NARS2: variants seen among roughly 807,000 people sequenced by gnomAD.
The protein encoded by NARS2 is asparaginyl-tRNA synthetase.
NARS2 carries 60 observed loss-of-function variants against 62.9 expected under a neutral mutation model. The observed-to-expected ratio is 0.95, with a 90% CI of 0.77 to 1.18. The LOEUF is 1.18. Ranked by LOEUF, NARS2 falls within the 50% of genes most tolerant of loss-of-function variation. NARS2 has a pLI of 0.00. For missense variants in NARS2, 619 were observed against 576.4 expected, an observed-to-expected ratio of 1.07 and a Z score of -0.76; for synonymous variants, 196 against 200.0, an observed-to-expected ratio of 0.98 and a Z score of 0.17.
At chr11:78,469,224 T>A in intron 10 of NARS2, 23 bp downstream of exon 10, 1 of 1,525,650 alleles carries the variant, frequency 6.6e-7, no homozygotes, top group East Asian at 2.3e-5. Context: ...CACACACATA[T>A]ATACATACAC....
intron 5 of NARS2, 29 bp downstream of exon 5, chr11:78,559,510 T>C: frequency 7.2e-7 from 1 of 1,394,516 alleles, no homozygotes; most frequent in Non-Finnish European, 1.0e-6. Flanking sequence ...AACAGCAATG[T>C]ACCCCTCAAG....
intron 9 of NARS2, among the ~76,000 whole-genome samples, chr11:78,477,623 C>A (rs1859157706): frequency 6.6e-6 from 1 of 152,154 alleles, no homozygotes; most frequent in Non-Finnish European, 1.5e-5. Flanking sequence ...ATTCTGAATG[C>A]TTCTAAGAAG....
chr11:78,553,311 C>G (rs1856199224), intron 5 of NARS2, among the ~76,000 whole-genome samples: 1 of 151,298 alleles, frequency 6.6e-6, no homozygotes, highest in African/African-American at 2.4e-5. Flanking sequence ...TTTTTTGAGA[C>G]AAAATCTCGC....
At chr11:78,533,536 T>G (rs566638956) in intron 5 of NARS2, among the ~76,000 whole-genome samples, 13 of 152,330 alleles carry the variant, frequency 8.5e-5, no homozygotes, top group African/African-American at 2.9e-4. Context: ...TCCATTCAAT[T>G]TGGCACATTT....
intron 5 of NARS2, among the ~76,000 whole-genome samples, chr11:78,534,997 T>TACACAA (rs1489971691): frequency 3.9e-5 from 6 of 152,226 alleles, no homozygotes; most frequent in African/African-American, 1.4e-4. Flanking sequence ...ATATTAGTGG[T>TACACAA]ACACAAGTAA....
At chr11:78,461,783 C>CAA (rs56753439) in intron 11 of NARS2, among the ~76,000 whole-genome samples, 2,426 of 93,042 alleles carry the variant, frequency 0.026, 106 homozygotes, top group African/African-American at 0.082. Flanking sequence ...GTACCCACTA[C>CAA]AAAAAAAAAA....
At chr11:78,525,532 CA>C (rs1332103587) in intron 6 of NARS2, among the ~76,000 whole-genome samples, 1 of 151,972 alleles carries the variant, frequency 6.6e-6, no homozygotes, top group Non-Finnish European at 1.5e-5. Flanking sequence ...AATTATAACC[CA>C]AACTATGAAA....
At chr11:78,563,851 AATAT>A (rs1335259135) in intron 4 of NARS2, among the ~76,000 whole-genome samples, 992 of 33,994 alleles carry the variant, frequency 0.029, 108 homozygotes, top group South Asian at 0.047. Flanking sequence ...AAAAAAAAAA[AATAT>A]ATATATATAT....
At chr11:78,464,171 G>A (rs933006451) in intron 11 of NARS2, among the ~76,000 whole-genome samples, 2 of 151,458 alleles carry the variant, frequency 1.3e-5, no homozygotes, top group Non-Finnish European at 2.9e-5. Context: ...CTCTTTAGGC[G>A]GCGTGTCTGG....
chr11:78,566,319 T>A, intron 3 of NARS2, 47 bp from the exon 4 acceptor site: 4 of 1,466,016 alleles, frequency 2.7e-6, no homozygotes, highest in Non-Finnish European at 3.7e-6. Flanking sequence ...AGAGATACTG[T>A]TTAATAAAAT....
chr11:78,472,203 A>T (rs1858906443), intron 9 of NARS2, among the ~76,000 whole-genome samples: 1 of 152,212 alleles, frequency 6.6e-6, no homozygotes, highest in Non-Finnish European at 1.5e-5. Context: ...AACTCTATTA[A>T]GTATTTTTCT....
At chr11:78,468,498 G>A (rs1372769036) in intron 10 of NARS2, among the ~76,000 whole-genome samples, 9 of 149,374 alleles carry the variant, frequency 6.0e-5, no homozygotes, top group East Asian at 5.9e-4. Flanking sequence ...TCTGCCCCCC[G>A]GGTTCATGCC....
intron 7 of NARS2, among the ~76,000 whole-genome samples, chr11:78,479,022 C>T (rs1859232479): frequency 6.6e-6 from 1 of 152,158 alleles, no homozygotes; most frequent in Non-Finnish European, 1.5e-5. Flanking sequence ...TAGCACCTAA[C>T]TTACAGGATG....
At chr11:78,444,806 T>A (rs1426126786) in intron 11 of NARS2, among the ~76,000 whole-genome samples, 2 of 149,102 alleles carry the variant, frequency 1.3e-5, no homozygotes, top group Non-Finnish European at 3.0e-5. Flanking sequence ...GAAAATAAAA[T>A]AAAGAATACA....
intron 5 of NARS2, among the ~76,000 whole-genome samples, chr11:78,548,195 G>C (rs908334032): frequency 6.6e-6 from 1 of 152,070 alleles, no homozygotes; most frequent in African/African-American, 2.4e-5. Context: ...CTCCAGCCTG[G>C]GTGACAGCAA....
chr11:78,536,569 A>G lies in NARS2; in HGVS notation c.595-7633T>C, dbSNP rs1039640131. Among the ~76,000 whole-genome samples, 5 of 152,224 alleles carry G rather than the reference A, an allele frequency of 3.3e-5. No homozygotes were observed. In the South Asian group the frequency reaches 6.2e-4, roughly 19 times the overall value. ...AGTAAAAAAGAAATCTCTAATAGAA[A>G]AAAGCTTATAGAATAATGAAAGAAA... On this transcript the variant is annotated intron_variant, in intron 5 of 13. Transcript: ENST00000281038.
chr11:78,516,309 T>C (rs1005224106), intron 6 of NARS2, among the ~76,000 whole-genome samples: 4 of 152,228 alleles, frequency 2.6e-5, no homozygotes, highest in African/African-American at 9.7e-5. Flanking sequence ...ATTAACTGGA[T>C]TTCTGTTTGT....
intron 7 of NARS2, among the ~76,000 whole-genome samples, chr11:78,490,346 T>C (rs1028432413): frequency 6.6e-6 from 1 of 152,218 alleles, no homozygotes; most frequent in African/African-American, 2.4e-5. Flanking sequence ...TTTTGGAATA[T>C]ATCTGAGATA....
chr11:78,516,264 T>C (rs1860907225), intron 6 of NARS2, among the ~76,000 whole-genome samples: 2 of 152,280 alleles, frequency 1.3e-5, no homozygotes, highest in African/African-American at 4.8e-5. Flanking sequence ...TTGTACACCA[T>C]AAAATGCTCT....
Sources: gnomAD v4.1 joint callset for allele counts (sites outside exome capture counted in the v4.1 genomes callset) on GRCh38, gnomAD v4.1.1 for gene constraint, MANE v1.5 for transcripts, NCBI Gene and HGNC (gene_info 2026-07-23, HGNC 2026-07-21) for gene names.